The following TMX3 variants were observed in gnomAD, a reference collection of about 807,000 sequenced individuals.
TMX3 encodes protein disulfide-isomerase TMX3.
Under a neutral mutation model 64.4 loss-of-function variants are expected in TMX3, and 40 were observed. The observed-to-expected ratio is 0.62, with a 90% CI of 0.48 to 0.81. TMX3 has a LOEUF of 0.81. Ranked by LOEUF, TMX3 falls within the 30% of genes least tolerant of loss-of-function variation. The pLI, the probability that TMX3 is intolerant of heterozygous loss-of-function variation, is 0.00. For missense variants in TMX3, 497 were observed against 534.5 expected (o/e 0.93, Z 0.69); for synonymous variants, 189 against 175.7 (o/e 1.08, Z -0.60).
intron 6 of TMX3, among the ~76,000 whole-genome samples, chr18:68,699,719 A>G (rs1915482986): frequency 6.6e-6 from 1 of 152,206 alleles, no homozygotes; most frequent in South Asian, 2.1e-4. Flanking sequence ...TGAAATAATT[A>G]TAAGCACCGA....
intron 8 of TMX3, among the ~76,000 whole-genome samples, chr18:68,693,565 T>G (rs1346326651): frequency 2.6e-5 from 4 of 152,088 alleles, no homozygotes; most frequent in African/African-American, 7.2e-5. Context: ...GCCGGGTGTG[T>G]GTGTGTGCTT....
intron 10 of TMX3, among the ~76,000 whole-genome samples, chr18:68,684,925 A>C (rs1311789065): frequency 6.6e-6 from 1 of 152,216 alleles, no homozygotes; most frequent in Non-Finnish European, 1.5e-5. Context: ...AAGAATAAGA[A>C]AATGGTTTTT....
chr18:68,687,886 T>A, intron 9 of TMX3, 121 bp from the exon 10 acceptor site: 1 of 608,216 alleles, frequency 1.6e-6, no homozygotes, highest in East Asian at 3.2e-5. Flanking sequence ...ATAAATATTG[T>A]TTTTAGGAAT....
In TMX3 at chr18:68,682,853, T is replaced by C. The variant is rs932973067; in HGVS notation, c.905+72A>G. The C allele has an allele frequency of 1.2e-5, 16 of 1,365,436 alleles. No homozygotes were observed. The African/African-American group carries it at 1.7e-4, about 15-fold the overall frequency. The allele number at this position is 1,365,436 out of a possible 1,614,324, so 84.6% of individuals were successfully genotyped here. A position where few individuals can be genotyped will look rare whatever the true frequency, so the allele number is the denominator to read the frequency against. On this transcript the variant is annotated intron_variant, in intron 13 of 15. Transcript: ENST00000299608. ...TGCTATTTTTCAGCTATTTAATCCT[T>C]CTACCTGTATCTCAGAAACAAATTT...
At chr18:68,691,417 A>T (rs1243685807) in intron 8 of TMX3, 56 bp from the exon 9 acceptor site, 1 of 1,186,006 alleles carries the variant, frequency 8.4e-7, no homozygotes, top group Non-Finnish European at 1.2e-6. Flanking sequence ...CTAATTAGTA[A>T]CTATAATTTC....
Position 68,715,008 on chromosome 18 carries a change from G to A in TMX3, c.-27C>T, listed in dbSNP as rs768064428. ...CTAGCCCGGGAGAGCTGCAGAAGCT[G>A]ACTGTGCAAAAGAGGGATAAAGACA... On this transcript the variant is annotated 5_prime_UTR_variant, in exon 1 of 16. Transcript: ENST00000299608. 9 of 1,560,754 alleles carry A rather than the reference G, an allele frequency of 5.8e-6. No homozygotes were observed. In the Middle Eastern group the frequency reaches 5.0e-4, roughly 86 times the overall value.
At position 68,690,945 on chromosome 18, in the gene TMX3, C is replaced by T. The variant is rs112992377; in HGVS notation, c.637+350G>A. 5.4e-5 allele frequency: 12 copies of T among 222,062 alleles called. 1 individual carries two copies. In the South Asian group the frequency reaches 8.6e-4, roughly 16 times the overall value. 13.8% of individuals were successfully genotyped at this position (222,062 alleles called of 1,614,324 possible). On this transcript the variant is annotated intron_variant, in intron 9 of 15. Transcript: ENST00000299608. ...ACAGGGGCTTCAACACTATTGAACA[C>T]GTGTTATTTCTTCAAGTCTTTTTCT...
At chr18:68,679,585 T>C (rs1913228929) in intron 14 of TMX3, 54 bp from the exon 15 acceptor site, 7 of 1,503,600 alleles carry the variant, frequency 4.7e-6, no homozygotes, top group Non-Finnish European at 6.4e-6. Flanking sequence ...CTTCATTTAC[T>C]TGGTGTTACA....
chr18:68,705,890 C>T (rs2145121353), intron 4 of TMX3, among the ~76,000 whole-genome samples: 1 of 152,304 alleles, frequency 6.6e-6, no homozygotes, highest in East Asian at 1.9e-4. Flanking sequence ...ATGGCATTTG[C>T]TTCCAACCAC....
chr18:68,688,853 A>G (rs2145040963), intron 9 of TMX3: 1 of 152,336 alleles, frequency 6.6e-6, no homozygotes, highest in African/African-American at 2.4e-5. Flanking sequence ...AGTGGGCGGT[A>G]AACATTGGGT....
chr18:68,708,898 T>C (rs1461988207), intron 4 of TMX3, among the ~76,000 whole-genome samples: 1 of 152,088 alleles, frequency 6.6e-6, no homozygotes, highest in African/African-American at 2.4e-5. Context: ...CTACAGAAAC[T>C]AAAATTAAGA....
rs920155434 is a variant in TMX3 at position 68,675,217 on chromosome 18, A to G, written c.*1716T>C. 4 of 152,162 alleles carry G rather than the reference A, an allele frequency of 2.6e-5. No individual in the cohort carries two copies. Among genetic ancestry groups the G allele is most frequent in the Non-Finnish European group, 5.9e-5 (4 of 68,006 alleles). The allele number at this position is 152,162 out of a possible 1,614,324, so 9.4% of individuals were successfully genotyped here. ...AACATTAACATTTATCTTCCCAAGA[A>G]TCACTCATCATTCTTTGGAGAAGAA... is the stretch of plus-strand genomic sequence containing the variant. On this transcript the variant is annotated 3_prime_UTR_variant, in exon 16 of 16. Coordinates refer to ENST00000299608, the MANE Select transcript of TMX3 (RefSeq NM_019022.5).
chr18:68,698,857 A>T (rs1296942081), intron 6 of TMX3, among the ~76,000 whole-genome samples: 1 of 150,176 alleles, frequency 6.7e-6, no homozygotes, highest in Non-Finnish European at 1.5e-5. Flanking sequence ...TCTACTAAAA[A>T]TACAAAAAAA....
chr18:68,693,754 A>T (rs1485220674), intron 8 of TMX3, among the ~76,000 whole-genome samples: 1 of 151,990 alleles, frequency 6.6e-6, no homozygotes, highest in Non-Finnish European at 1.5e-5. Context: ...GGTCCCCAGT[A>T]AAACCCCAAC....
At chr18:68,707,789 T>C (rs945385575) in intron 4 of TMX3, among the ~76,000 whole-genome samples, 11 of 152,178 alleles carry the variant, frequency 7.2e-5, no homozygotes, top group African/African-American at 2.7e-4. Context: ...TGTCTGGATC[T>C]TTCTTTAATC....
chr18:68,700,640 T>C (rs952860060), intron 5 of TMX3, 155 bp from the exon 6 acceptor site: 10 of 783,634 alleles, frequency 1.3e-5, no homozygotes, highest in African/African-American at 1.9e-5. Flanking sequence ...TGGTAGACAT[T>C]AGGCTTGCCA....
chr18:68,707,100 C>A (rs2030749861), intron 4 of TMX3, among the ~76,000 whole-genome samples: 1 of 152,156 alleles, frequency 6.6e-6, no homozygotes, highest in African/African-American at 2.4e-5. Flanking sequence ...ATCACCAGTA[C>A]CCTGGTATGT....
intron 10 of TMX3, chr18:68,687,347 T>A (rs1568183591): frequency 2.6e-5 from 26 of 985,304 alleles, no homozygotes; most frequent in Non-Finnish European, 3.0e-5. Flanking sequence ...TAAGTTTTAT[T>A]TTAACTCCTA....
In TMX3 at chr18:68,675,350, G is replaced by C. The variant is rs936996093; in HGVS notation, c.*1583C>G. ...ATATTTGTTTCATTTCCAAAAAAAAGAAATATGGAGTGTCAAACACTAAGA... is the reference window on the plus strand; with the variant it reads ...ATATTTGTTTCATTTCCAAAAAAAACAAATATGGAGTGTCAAACACTAAGA... On this transcript the variant is annotated 3_prime_UTR_variant, in exon 16 of 16. Transcript: ENST00000299608. 2 of 151,996 alleles carry C rather than the reference G, an allele frequency of 1.3e-5. No homozygotes were observed. Among genetic ancestry groups the C allele is most frequent in the Admixed American group, 1.3e-4 (2 of 15,230 alleles). 9.4% of individuals were successfully genotyped at this position (151,996 alleles called of 1,614,324 possible).
Sources: allele counts gnomAD v4.1 joint callset (sites outside exome capture counted in the v4.1 genomes callset), GRCh38; gene constraint gnomAD v4.1.1; transcripts MANE v1.5; gene names NCBI Gene and HGNC (gene_info 2026-07-23, HGNC 2026-07-21).